The following FRMPD4 variants were observed in gnomAD, a reference collection of about 807,000 sequenced individuals.
The protein encoded by FRMPD4 is FERM and PDZ domain containing 4.
FRMPD4 carries 22 observed loss-of-function variants against 94.1 expected under a neutral mutation model. That is an observed-to-expected ratio of 0.23 (90% CI 0.17 to 0.33). The LOEUF (loss-of-function observed/expected upper bound fraction) is 0.33, where lower values mean the gene tolerates loss of function less well. Among genes scored for constraint, FRMPD4 ranks in the 10% least tolerant of loss-of-function variants. The probability of loss-of-function intolerance (pLI) is 1.00; values close to 1 mark genes in which losing one functional copy is unlikely to be tolerated. For missense variants in FRMPD4, 1,111 were observed against 1,339.9 expected, an observed-to-expected ratio of 0.83 and a Z score of 2.67; for synonymous variants, 631 against 548.6, an observed-to-expected ratio of 1.15 and a Z score of -2.10.
intron 1 of FRMPD4, among the ~76,000 whole-genome samples, chrX:12,152,087 A>G (rs758622681): frequency 3.1e-4 from 35 of 112,086 alleles, no homozygotes; most frequent in Non-Finnish European, 3.8e-4. Context: ...GACTTGAAGT[A>G]CTTAGTGATG....
intron 1 of FRMPD4, among the ~76,000 whole-genome samples, chrX:12,462,781 G>C (rs769287359): frequency 3.0e-3 from 331 of 112,033 alleles, no homozygotes; most frequent in African/African-American, 0.01. Context: ...TTGAGCCCAG[G>C]TGTTGGAGAC....
chrX:11,924,363 ATC>A (rs2054074248), intron 3 of FRMPD4, among the ~76,000 whole-genome samples: 1 of 112,251 alleles, frequency 8.9e-6, no homozygotes, highest in Admixed American at 9.4e-5. Flanking sequence ...AACTTTCCCA[ATC>A]TAGCTAGAGA....
chrX:12,255,510 A>G (rs1195372889), intron 1 of FRMPD4, among the ~76,000 whole-genome samples: 2 of 111,965 alleles, frequency 1.8e-5, no homozygotes, highest in Non-Finnish European at 3.8e-5. Flanking sequence ...TTTAGAGTGG[A>G]AAAATATTTT....
In FRMPD4 at chrX:12,463,696, TTG is replaced by T. The variant is rs1330414560; in HGVS notation, c.42-34982_42-34981del. Among the ~76,000 whole-genome samples the T allele has an allele frequency of 1.6e-4, 15 of 95,554 alleles. 1 individual carries two copies. Among genetic ancestry groups the T allele is most frequent in the South Asian group, 5.4e-4 (1 of 1,844 alleles). 83.0% of individuals were successfully genotyped at this position (95,554 alleles called of 115,157 possible). ...CTATGTGTGTGTTTTTTTTTTGTTTTTGTTTTTTTTTTTTAACAGAGCATGAA... is the reference window on the plus strand; with the variant it reads ...CTATGTGTGTGTTTTTTTTTTGTTTTTTTTTTTTTTTTAACAGAGCATGAA... On this transcript the variant is annotated intron_variant, in intron 1 of 16. Transcript: ENST00000675598.
intron 6 of FRMPD4, among the ~76,000 whole-genome samples, chrX:12,684,584 C>G (rs2060002632): frequency 9.0e-6 from 1 of 111,525 alleles, no homozygotes; most frequent in Non-Finnish European, 1.9e-5. Context: ...ATGGTCTGTT[C>G]TGTGCCTCTC....
At chrX:11,872,141 A>G (rs1014417421) in intron 2 of FRMPD4, among the ~76,000 whole-genome samples, 2 of 112,424 alleles carry the variant, frequency 1.8e-5, no homozygotes, top group African/African-American at 6.5e-5. Flanking sequence ...AATGCATAGA[A>G]AATATGAATT....
At chrX:11,972,467 A>C (rs960860038) in intron 3 of FRMPD4, among the ~76,000 whole-genome samples, 5 of 112,327 alleles carry the variant, frequency 4.5e-5, no homozygotes, top group African/African-American at 1.6e-4. Flanking sequence ...TTCCAGGGAA[A>C]CTTTATAAGA....
At chrX:12,674,782 T>C in intron 4 of FRMPD4, 81 bp from the exon 5 acceptor site, 4 of 654,410 alleles carry the variant, frequency 6.1e-6, no homozygotes, top group Non-Finnish European at 1.0e-5. Flanking sequence ...CATCACACAT[T>C]TTGTTTTGAA....
At chrX:12,358,039 T>C in intron 1 of FRMPD4, among the ~76,000 whole-genome samples, 1 of 112,271 alleles carries the variant, frequency 8.9e-6, no homozygotes, top group Non-Finnish European at 1.9e-5. Flanking sequence ...TTTTCAAGAT[T>C]CATCCATGCT....
chrX:11,868,406 G>T (rs1262722322), intron 2 of FRMPD4, among the ~76,000 whole-genome samples: 1 of 111,757 alleles, frequency 8.9e-6, no homozygotes, highest in Non-Finnish European at 1.9e-5. Context: ...GCTCACATCT[G>T]GTTATAAGAT....
At chrX:12,174,527 A>T (rs1280506313) in intron 1 of FRMPD4, among the ~76,000 whole-genome samples, 1 of 111,762 alleles carries the variant, frequency 8.9e-6, no homozygotes, top group South Asian at 3.8e-4. Flanking sequence ...TTTTCAAATC[A>T]TTCCTTGCGG....
chrX:12,415,550 A>T (rs1028228863), intron 1 of FRMPD4, among the ~76,000 whole-genome samples: 1 of 111,907 alleles, frequency 8.9e-6, no homozygotes, highest in African/African-American at 3.3e-5. Context: ...TAGTTTTGAC[A>T]ACAATAATAG....
At chrX:12,564,101 A>C (rs937040379) in intron 2 of FRMPD4, among the ~76,000 whole-genome samples, 2 of 111,714 alleles carry the variant, frequency 1.8e-5, no homozygotes, top group African/African-American at 6.5e-5. Context: ...AGCAGAGAGC[A>C]GAGAGAGAAG....
At chrX:12,187,918 A>G (rs1349293701) in intron 1 of FRMPD4, among the ~76,000 whole-genome samples, 3 of 112,024 alleles carry the variant, frequency 2.7e-5, no homozygotes, top group African/African-American at 9.7e-5. Flanking sequence ...AAACAGGCAA[A>G]TGCTTTCAAA....
intron 1 of FRMPD4, among the ~76,000 whole-genome samples, chrX:11,862,077 T>C (rs1038062329): frequency 1.8e-5 from 2 of 110,852 alleles, no homozygotes; most frequent in Non-Finnish European, 3.8e-5. Context: ...CCACTCACTA[T>C]CACATGAACA....
At chrX:12,005,162 C>A in intron 3 of FRMPD4, among the ~76,000 whole-genome samples, 1 of 110,715 alleles carries the variant, frequency 9.0e-6, no homozygotes, top group Admixed American at 9.7e-5. Flanking sequence ...TATCCACAGT[C>A]TGAAGTGGGG....
chrX:12,720,003 AG>A (rs1169900877), intron 16 of FRMPD4, among the ~76,000 whole-genome samples: 1 of 49,198 alleles, frequency 2.0e-5, no homozygotes, highest in Admixed American at 2.0e-4. Flanking sequence ...AAGAAAGGAA[AG>A]GAAAGGAAAG....
At chrX:12,685,971 T>C (rs1286904969) in intron 6 of FRMPD4, 126 bp from the exon 7 acceptor site, 1 of 350,009 alleles carries the variant, frequency 2.9e-6, no homozygotes. Flanking sequence ...GAATGCCTTG[T>C]TGGCCTTAGA....
At chrX:12,339,391 G>A (rs2055575035) in intron 1 of FRMPD4, among the ~76,000 whole-genome samples, 1 of 111,553 alleles carries the variant, frequency 9.0e-6, no homozygotes. Context: ...ACATCATTGT[G>A]TATTCTTTGC....
Sources: allele counts gnomAD v4.1 joint callset (sites outside exome capture counted in the v4.1 genomes callset), GRCh38; gene constraint gnomAD v4.1.1; transcripts MANE v1.5; gene names NCBI Gene and HGNC (gene_info 2026-07-23, HGNC 2026-07-21).